The following GPC5 variants were observed in gnomAD, a reference collection of about 807,000 sequenced individuals.
GPC5 encodes the protein glypican 5, also known as glypican-5.
Under a neutral mutation model 53.9 loss-of-function variants are expected in GPC5, and 47 were observed. The ratio of observed to expected loss-of-function variants is 0.87; its 90% CI spans 0.69 to 1.11. GPC5 has a LOEUF of 1.11. Ranked by LOEUF, GPC5 falls within the 50% of genes most tolerant of loss-of-function variation. The pLI, the probability that GPC5 is intolerant of heterozygous loss-of-function variation, is 0.00. For missense variants in GPC5, 748 were observed against 713.1 expected, an observed-to-expected ratio of 1.05 and a Z score of -0.56; for synonymous variants, 286 against 263.3, an observed-to-expected ratio of 1.09 and a Z score of -0.84.
rs185760769 is a variant in GPC5 at position 92,389,681 on chromosome 13, C to T, written c.1561+244692C>T. ...GTAGGGAGACTATGGAACAGAAAAGCCCAATTAATAGACACTTAACTTCAA... is the reference window on the plus strand; with the variant it reads ...GTAGGGAGACTATGGAACAGAAAAGTCCAATTAATAGACACTTAACTTCAA... On this transcript the variant is annotated intron_variant, in intron 7 of 7. Coordinates refer to ENST00000377067, the MANE Select transcript of GPC5 (RefSeq NM_004466.6). 7.9e-5 allele frequency among the ~76,000 whole-genome samples: 12 copies of T among 152,098 alleles called. No individual in the cohort carries two copies. In the East Asian group the frequency reaches 2.3e-3, roughly 29 times the overall value.
intron 5 of GPC5, among the ~76,000 whole-genome samples, chr13:91,903,723 A>G (rs2039522647): frequency 6.6e-6 from 1 of 152,148 alleles, no homozygotes; most frequent in Admixed American, 6.6e-5. Flanking sequence ...TCAATAATAT[A>G]ACAGCTTGGA....
At position 91,753,752 on chromosome 13, in the gene GPC5, G is replaced by A. The variant is rs551446764; in HGVS notation, c.1155-2543G>A. ...CCTCTAGTGAAACTGCATACTACCCGTATTTTCTTTCCTCTTACCCTTACT... is the reference window on the plus strand; with the variant it reads ...CCTCTAGTGAAACTGCATACTACCCATATTTTCTTTCCTCTTACCCTTACT... On this transcript the variant is annotated intron_variant, in intron 4 of 7. Coordinates refer to ENST00000377067, the MANE Select transcript of GPC5 (RefSeq NM_004466.6). Among the ~76,000 whole-genome samples the A allele has an allele frequency of 7.2e-5, 11 of 152,194 alleles. No homozygotes were observed. The East Asian group carries it at 9.7e-4, about 13-fold the overall frequency.
chr13:92,138,443 C>A (rs2041802687), intron 6 of GPC5, among the ~76,000 whole-genome samples: 1 of 151,872 alleles, frequency 6.6e-6, no homozygotes, highest in South Asian at 2.1e-4. Flanking sequence ...TTGCTTGAAC[C>A]CGGGAGGCGG....
At chr13:91,492,451 T>A (rs949010746) in intron 2 of GPC5, among the ~76,000 whole-genome samples, 2 of 152,114 alleles carry the variant, frequency 1.3e-5, no homozygotes, top group African/African-American at 2.4e-5. Flanking sequence ...GGGGCCACAG[T>A]CTAAGTCCTG....
At chr13:92,840,078 CATATATATATATATATATAT>C (rs4001881) in intron 7 of GPC5, among the ~76,000 whole-genome samples, 2,379 of 99,022 alleles carry the variant, frequency 0.024, 112 homozygotes, top group African/African-American at 0.086. Flanking sequence ...TATATACATA[CATATATATATATATATATAT>C]ATATATATAT....
chr13:91,538,830 G>GC (rs370352129), intron 2 of GPC5, among the ~76,000 whole-genome samples: 18 of 130,974 alleles, frequency 1.4e-4, no homozygotes, highest in Admixed American at 3.7e-4. Flanking sequence ...GGTCCACCCC[G>GC]CCCCCCCCTC....
chr13:91,455,931 C>T (rs1881508842), intron 2 of GPC5, among the ~76,000 whole-genome samples: 1 of 152,126 alleles, frequency 6.6e-6, no homozygotes. Flanking sequence ...CTAAAGACCA[C>T]ATACTTTCAA....
intron 7 of GPC5, among the ~76,000 whole-genome samples, chr13:92,166,677 AG>A (rs2042030017): frequency 6.6e-6 from 1 of 152,172 alleles, no homozygotes; most frequent in African/African-American, 2.4e-5. Flanking sequence ...AATTCCAAAG[AG>A]GAACTTGAAA....
At chr13:91,974,545 A>G (rs2040278840) in intron 6 of GPC5, among the ~76,000 whole-genome samples, 2 of 152,118 alleles carry the variant, frequency 1.3e-5, no homozygotes, top group African/African-American at 4.8e-5. Context: ...TAAAATACCT[A>G]GGAATCCAAC....
chr13:91,896,455 A>C (rs2039443458), intron 5 of GPC5, among the ~76,000 whole-genome samples: 1 of 151,908 alleles, frequency 6.6e-6, no homozygotes, highest in Non-Finnish European at 1.5e-5. Flanking sequence ...ACATCTGTAA[A>C]CCCCCTTTGT....
intron 7 of GPC5, among the ~76,000 whole-genome samples, chr13:92,186,183 A>G (rs1252622347): frequency 6.6e-6 from 1 of 152,006 alleles, no homozygotes; most frequent in African/African-American, 2.4e-5. Flanking sequence ...GGTAGACATT[A>G]TCTTCTGAAT....
intron 4 of GPC5, among the ~76,000 whole-genome samples, chr13:91,745,474 C>T (rs2037029029): frequency 6.6e-6 from 1 of 152,022 alleles, no homozygotes; most frequent in Non-Finnish European, 1.5e-5. Context: ...CCATCTCTTT[C>T]CTATTACTTT....
At chr13:91,506,367 A>T (rs554572928) in intron 2 of GPC5, among the ~76,000 whole-genome samples, 55 of 152,280 alleles carry the variant, frequency 3.6e-4, no homozygotes, top group Middle Eastern at 3.4e-3. Flanking sequence ...GAATATTTAA[A>T]TCCATTAATC....
chr13:92,494,057 TTTTTTTGTTTG>T (rs1879869083), intron 7 of GPC5, among the ~76,000 whole-genome samples: 1 of 102,548 alleles, frequency 9.8e-6, no homozygotes, highest in Non-Finnish European at 2.1e-5. Flanking sequence ...ACTTTGTGTT[TTTTTTTGTTTG>T]TTTGTTTGTT....
intron 6 of GPC5, among the ~76,000 whole-genome samples, chr13:92,135,757 G>A (rs974873156): frequency 1.3e-5 from 2 of 152,104 alleles, no homozygotes; most frequent in African/African-American, 4.8e-5. Flanking sequence ...GGCACAACAG[G>A]AGCCGAGATC....
At chr13:91,480,743 A>G (rs186551133) in intron 2 of GPC5, among the ~76,000 whole-genome samples, 5 of 152,306 alleles carry the variant, frequency 3.3e-5, no homozygotes, top group Admixed American at 1.3e-4. Context: ...GGAGCGCTGC[A>G]CTAGTATAAG....
intron 7 of GPC5, among the ~76,000 whole-genome samples, chr13:92,298,729 G>A (rs188041767): frequency 9.2e-5 from 14 of 152,162 alleles, no homozygotes; most frequent in East Asian, 1.9e-4. Context: ...TGTGTGGGTC[G>A]TCTCAGGTTT....
At chr13:91,817,525 G>C (rs2038419139) in intron 5 of GPC5, among the ~76,000 whole-genome samples, 1 of 152,176 alleles carries the variant, frequency 6.6e-6, no homozygotes, top group South Asian at 2.1e-4. Context: ...GTATACTTAA[G>C]AATCCATGAT....
intron 2 of GPC5, among the ~76,000 whole-genome samples, chr13:91,623,048 G>C (rs921000057): frequency 6.6e-6 from 1 of 152,028 alleles, no homozygotes; most frequent in Admixed American, 6.6e-5. Flanking sequence ...AGGAGGAGGA[G>C]AGAGTAAACA....
Sources: allele counts gnomAD v4.1 joint callset (sites outside exome capture counted in the v4.1 genomes callset), GRCh38; gene constraint gnomAD v4.1.1; transcripts MANE v1.5; gene names NCBI Gene and HGNC (gene_info 2026-07-23, HGNC 2026-07-21).